Variants in STXBP3 observed in about 807,000 individuals in gnomAD.
STXBP3 encodes syntaxin binding protein 3.
Under a neutral mutation model 85.7 loss-of-function variants are expected in STXBP3, and 41 were observed. The ratio of observed to expected loss-of-function variants is 0.48; its 90% CI spans 0.37 to 0.62. STXBP3 has a LOEUF of 0.62. Ranked by LOEUF, STXBP3 falls within the 20% of genes least tolerant of loss-of-function variation. The pLI is 0.00. For synonymous variants in STXBP3, 229 were observed against 231.7 expected (o/e 0.99, Z 0.10); for missense variants, 563 against 703.1 (o/e 0.80, Z 2.25).
intron 11 of STXBP3, 47 bp downstream of exon 11, chr1:108,782,753 A>G: frequency 6.7e-7 from 1 of 1,498,342 alleles, no homozygotes; most frequent in Non-Finnish European, 9.0e-7. Flanking sequence ...GGTGAATTTT[A>G]AAGTTTGTTT....
intron 11 of STXBP3, among the ~76,000 whole-genome samples, chr1:108,791,725 C>T (rs1344536311): frequency 6.6e-6 from 1 of 152,104 alleles, no homozygotes; most frequent in South Asian, 2.1e-4. Flanking sequence ...AATGCACACT[C>T]TCATATAACC....
intron 17 of STXBP3, 39 bp downstream of exon 17, chr1:108,800,344 T>A (rs754713263): frequency 1.2e-5 from 17 of 1,442,238 alleles, no homozygotes; most frequent in Admixed American, 3.4e-5. Context: ...ATTTTCATTC[T>A]ACGGACTAAT....
chr1:108,789,801 C>T (rs369980138), intron 11 of STXBP3, among the ~76,000 whole-genome samples: 4 of 151,978 alleles, frequency 2.6e-5, no homozygotes, highest in Non-Finnish European at 5.9e-5. Flanking sequence ...CATGGTGGCT[C>T]GTGCCTGTAA....
At chr1:108,764,511 C>T (rs1370941756) in intron 6 of STXBP3, among the ~76,000 whole-genome samples, 1 of 152,212 alleles carries the variant, frequency 6.6e-6, no homozygotes, top group Non-Finnish European at 1.5e-5. Context: ...TACATTCCCA[C>T]CAACGGAATG....
chr1:108,748,080 G>A (rs1661830027), intron 1 of STXBP3, among the ~76,000 whole-genome samples: 1 of 151,916 alleles, frequency 6.6e-6, no homozygotes, highest in African/African-American at 2.4e-5. Context: ...TACAGATAAA[G>A]ACATTGTTTT....
intron 11 of STXBP3, among the ~76,000 whole-genome samples, chr1:108,787,015 G>C (rs1203630015): frequency 6.6e-6 from 1 of 151,930 alleles, no homozygotes; most frequent in Non-Finnish European, 1.5e-5. Context: ...ATTTTTTGGT[G>C]TTATAAATGG....
At chr1:108,774,816 T>C (rs1028390235) in intron 7 of STXBP3, among the ~76,000 whole-genome samples, 12 of 152,034 alleles carry the variant, frequency 7.9e-5, no homozygotes, top group African/African-American at 2.9e-4. Context: ...GTGGTTTGGC[T>C]CCTGTTAAGG....
chr1:108,774,035 G>A lies in STXBP3; in HGVS notation c.593+1216G>A, dbSNP rs941301674. Among the ~76,000 whole-genome samples the A allele has an allele frequency of 2.2e-4, 34 of 152,066 alleles. 1 individual carries two copies. The highest frequency in any genetic ancestry group is 4.3e-4 in the Non-Finnish European group (29 of 68,002). ...GCTCTCCCGTCCCTTTTCTTCCCTA[G>A]AGATGACTACCATCTGACTTTTAAC... is the stretch of plus-strand genomic sequence containing the variant. On this transcript the variant is annotated intron_variant, in intron 7 of 18. Coordinates refer to ENST00000370008, the MANE Select transcript of STXBP3 (RefSeq NM_007269.4).
chr1:108,748,777 A>G (rs1661845818), intron 1 of STXBP3, among the ~76,000 whole-genome samples: 1 of 152,100 alleles, frequency 6.6e-6, no homozygotes, highest in Non-Finnish European at 1.5e-5. Context: ...GGCTGCAGTG[A>G]GCAGTGATCA....
intron 7 of STXBP3, among the ~76,000 whole-genome samples, chr1:108,775,185 A>G (rs1557807941): frequency 6.6e-6 from 1 of 152,110 alleles, no homozygotes; most frequent in Admixed American, 6.6e-5. Context: ...TACAACCTAA[A>G]GATTCTGTAA....
intron 12 of STXBP3, 31 bp from the exon 13 acceptor site, chr1:108,794,796 C>T: frequency 6.3e-7 from 1 of 1,581,160 alleles, no homozygotes; most frequent in African/African-American, 1.3e-5. Context: ...CATTAAAATC[C>T]TTTAAATGAT....
intron 17 of STXBP3, among the ~76,000 whole-genome samples, chr1:108,805,827 C>T (rs770895501): frequency 2.6e-5 from 4 of 152,170 alleles, no homozygotes; most frequent in South Asian, 2.1e-4. Flanking sequence ...CCTAAGAGTT[C>T]GAGGCTGTAG....
chr1:108,752,140 C>T, intron 1 of STXBP3, 117 bp from the exon 2 acceptor site: 1 of 862,404 alleles, frequency 1.2e-6, no homozygotes, highest in African/African-American at 1.7e-5. Context: ...AATATGTATG[C>T]TTTTTATGTA....
intron 7 of STXBP3, among the ~76,000 whole-genome samples, chr1:108,774,721 C>T (rs557041743): frequency 5.4e-5 from 8 of 148,708 alleles, no homozygotes; most frequent in Non-Finnish European, 1.0e-4. Flanking sequence ...TCAAGCAATC[C>T]ACCTGCCTCT....
intron 15 of STXBP3, among the ~76,000 whole-genome samples, chr1:108,797,755 A>G (rs1198280452): frequency 6.7e-6 from 1 of 149,296 alleles, no homozygotes; most frequent in Non-Finnish European, 1.5e-5. Flanking sequence ...TTTTTTTTTG[A>G]GACGTAGTCT....
chr1:108,791,630 T>G (rs1662977973), intron 11 of STXBP3, among the ~76,000 whole-genome samples: 1 of 152,152 alleles, frequency 6.6e-6, no homozygotes, highest in Non-Finnish European at 1.5e-5. Context: ...AGTCTGCTAT[T>G]AAACCCATTC....
intron 8 of STXBP3, among the ~76,000 whole-genome samples, chr1:108,778,370 A>T (rs1662632096): frequency 6.6e-6 from 1 of 152,162 alleles, no homozygotes; most frequent in African/African-American, 2.4e-5. Flanking sequence ...GTGATTAGTG[A>T]TGTTTGCGAA....
intron 16 of STXBP3, among the ~76,000 whole-genome samples, 168 bp from the exon 17 acceptor site, chr1:108,800,052 T>G (rs1336853171): frequency 6.6e-6 from 1 of 152,218 alleles, no homozygotes; most frequent in Non-Finnish European, 1.5e-5. Context: ...ATGATTTCAC[T>G]GATTTTTGAA....
intron 17 of STXBP3, among the ~76,000 whole-genome samples, chr1:108,805,703 G>A (rs969917981): frequency 1.3e-5 from 2 of 152,312 alleles, no homozygotes; most frequent in East Asian, 1.9e-4. Flanking sequence ...GATTACAGAC[G>A]TGAGCCACCA....
Sources: allele counts gnomAD v4.1 joint callset (sites outside exome capture counted in the v4.1 genomes callset), GRCh38; gene constraint gnomAD v4.1.1; transcripts MANE v1.5; gene names NCBI Gene and HGNC (gene_info 2026-07-23, HGNC 2026-07-21).